The following SLC39A12 variants were observed in gnomAD, a reference collection of about 807,000 sequenced individuals.
SLC39A12 encodes zinc transporter ZIP12.
Under a neutral mutation model 71.1 loss-of-function variants are expected in SLC39A12, and 63 were observed. The observed-to-expected ratio is 0.89, with a 90% CI of 0.72 to 1.09. SLC39A12 has a LOEUF of 1.09. Ranked by LOEUF, SLC39A12 falls within the 50% of genes least tolerant of loss-of-function variation. SLC39A12 has a pLI of 0.00. For missense variants in SLC39A12, 892 were observed against 812.6 expected (o/e 1.10, Z -1.19); for synonymous variants, 351 against 301.3 (o/e 1.16, Z -1.71).
chr10:18,035,012 G>C (rs1464885810), intron 12 of SLC39A12, among the ~76,000 whole-genome samples: 3 of 150,066 alleles, frequency 2.0e-5, no homozygotes, highest in Non-Finnish European at 3.0e-5. Flanking sequence ...TCTGCCGAGA[G>C]ATCCGCTGTT....
intron 12 of SLC39A12, among the ~76,000 whole-genome samples, chr10:18,035,971 G>A (rs1169110879): frequency 6.6e-6 from 1 of 152,164 alleles, no homozygotes; most frequent in Non-Finnish European, 1.5e-5. Context: ...GGGGTCAGGG[G>A]TCAGGGACCC....
intron 3 of SLC39A12, 122 bp downstream of exon 3, chr10:17,961,984 T>G (rs1834703563): frequency 9.7e-7 from 1 of 1,034,224 alleles, no homozygotes; most frequent in Non-Finnish European, 1.4e-6. Flanking sequence ...TATTTGTGGG[T>G]TTTGGTTATG....
intron 8 of SLC39A12, among the ~76,000 whole-genome samples, chr10:17,992,081 T>A: frequency 1.1e-5 from 1 of 91,076 alleles, no homozygotes; most frequent in East Asian, 3.4e-4. Flanking sequence ...AGAGCGAGAC[T>A]CCATCTCAAA....
chr10:18,034,474 GC>G (rs1440969458), intron 12 of SLC39A12, among the ~76,000 whole-genome samples: 14 of 152,056 alleles, frequency 9.2e-5, no homozygotes, highest in African/African-American at 3.4e-4. Context: ...TGCAACCCCT[GC>G]CTTTTTTTGT....
Position 18,000,661 on chromosome 10 carries a change from C to A in SLC39A12, c.1601-6C>A. The A allele has an allele frequency of 6.2e-7, 1 of 1,613,906 alleles. No individual in the cohort carries two copies. Among genetic ancestry groups the A allele is most frequent in the Non-Finnish European group, 8.5e-7 (1 of 1,179,862 alleles). Reference sequence around the variant, plus strand: ...ATGCTTCTTCTGTGTTTATTTGGTTCCTTAGGTAAAGCCATTAGCTTGTTA... The same window carrying A: ...ATGCTTCTTCTGTGTTTATTTGGTTACTTAGGTAAAGCCATTAGCTTGTTA... On this transcript the variant is annotated splice_region_variant and splice_polypyrimidine_tract_variant and intron_variant, in intron 10 of 12. Transcript: ENST00000377369.
intron 12 of SLC39A12, among the ~76,000 whole-genome samples, chr10:18,037,673 A>C (rs1037748617): frequency 6.6e-6 from 1 of 152,210 alleles, no homozygotes. Context: ...TAAGCATTGC[A>C]TAAGACTTTG....
At chr10:18,037,962 A>T (rs1366558236) in intron 12 of SLC39A12, among the ~76,000 whole-genome samples, 2 of 134,144 alleles carry the variant, frequency 1.5e-5, no homozygotes, top group Non-Finnish European at 3.1e-5. Context: ...GGAGATTGCC[A>T]TGAGCCAAGA....
rs1835160549 is a variant in SLC39A12, at chr10:17,978,078, T to G, written c.924+4T>G. On this transcript the variant is annotated splice_donor_region_variant and intron_variant, in intron 5 of 12. Transcript: ENST00000377369. ...TGGTCCAGTTTCCTGGGATCAGGTA[T>G]TGCCATTGTTTCTCTTATTCAAGCA... 6.5e-7 allele frequency: 1 copy of G among 1,550,108 alleles called. No individual in the cohort carries two copies. Among genetic ancestry groups the G allele is most frequent in the Non-Finnish European group, 8.7e-7 (1 of 1,155,982 alleles).
chr10:17,974,787 GC>G (rs1482749662), intron 4 of SLC39A12, among the ~76,000 whole-genome samples: 5 of 152,124 alleles, frequency 3.3e-5, no homozygotes, highest in African/African-American at 1.2e-4. Flanking sequence ...TTTGCTCAAG[GC>G]CTTGGGACTC....
intron 12 of SLC39A12, among the ~76,000 whole-genome samples, chr10:18,004,776 A>G (rs931589562): frequency 6.6e-6 from 1 of 152,162 alleles, no homozygotes; most frequent in Non-Finnish European, 1.5e-5. Flanking sequence ...ATTCTATTAT[A>G]AAGATACATG....
intron 2 of SLC39A12, among the ~76,000 whole-genome samples, chr10:17,959,674 CTCCCCAACTG>C (rs1834636954): frequency 6.6e-6 from 1 of 152,160 alleles, no homozygotes; most frequent in African/African-American, 2.4e-5. Flanking sequence ...TTCTCAGGAG[CTCCCCAACTG>C]TCTCTGCAGA....
intron 4 of SLC39A12, among the ~76,000 whole-genome samples, chr10:17,970,922 G>A (rs1161446312): frequency 6.6e-6 from 1 of 151,962 alleles, no homozygotes; most frequent in Admixed American, 6.6e-5. Flanking sequence ...CATTCATTAT[G>A]ATACTAGCTC....
chr10:18,041,591 A>ATATG (rs1564668169), intron 12 of SLC39A12, among the ~76,000 whole-genome samples: 24 of 124,094 alleles, frequency 1.9e-4, no homozygotes, highest in African/African-American at 7.4e-4. Context: ...TACACACACC[A>ATATG]TATATATGTG....
At chr10:18,005,240 T>G (rs1261807530) in intron 12 of SLC39A12, 1 of 152,080 alleles carries the variant, frequency 6.6e-6, no homozygotes, top group African/African-American at 2.4e-5. Flanking sequence ...GTGGAGCAAA[T>G]TTTACCCCTT....
intron 12 of SLC39A12, among the ~76,000 whole-genome samples, chr10:18,032,411 A>G (rs1836874400): frequency 1.0e-5 from 1 of 98,700 alleles, no homozygotes; most frequent in Non-Finnish European, 2.1e-5. Context: ...CTTTGAAGCA[A>G]TTGTGAATGG....
At chr10:17,979,853 G>T (rs1835208574) in intron 5 of SLC39A12, among the ~76,000 whole-genome samples, 3 of 152,184 alleles carry the variant, frequency 2.0e-5, no homozygotes, top group Non-Finnish European at 2.9e-5. Context: ...GAATCAATCA[G>T]ATCTCTCTCA....
chr10:17,994,792 A>G (rs1471562896), intron 9 of SLC39A12, among the ~76,000 whole-genome samples: 3 of 152,132 alleles, frequency 2.0e-5, no homozygotes, highest in Non-Finnish European at 4.4e-5. Flanking sequence ...TAATGTGTAA[A>G]ATTTACTTTC....
intron 6 of SLC39A12, among the ~76,000 whole-genome samples, chr10:17,986,681 T>C (rs1835406243): frequency 6.6e-6 from 1 of 152,242 alleles, no homozygotes; most frequent in African/African-American, 2.4e-5. Context: ...TTCATTCTTT[T>C]TGTTAAAAAT....
intron 12 of SLC39A12, among the ~76,000 whole-genome samples, chr10:18,041,672 T>C (rs1400238559): frequency 8.8e-6 from 1 of 113,380 alleles, no homozygotes; most frequent in Non-Finnish European, 1.9e-5. Context: ...TGTGTATATA[T>C]ATGTATATAC....
Sources: gnomAD v4.1 joint callset for allele counts (sites outside exome capture counted in the v4.1 genomes callset) on GRCh38, gnomAD v4.1.1 for gene constraint, MANE v1.5 for transcripts, NCBI Gene and HGNC (gene_info 2026-07-23, HGNC 2026-07-21) for gene names.